The following FREM1 variants were observed in gnomAD, a reference collection of about 807,000 sequenced individuals.
FREM1 encodes FRAS1-related extracellular matrix protein 1.
Under a neutral mutation model 210.1 loss-of-function variants are expected in FREM1, and 220 were observed. That is an observed-to-expected ratio of 1.05 (90% CI 0.94 to 1.17). The LOEUF (loss-of-function observed/expected upper bound fraction) is 1.17. Among genes scored for constraint, FREM1 ranks in the 50% most tolerant of loss-of-function variants. The pLI is 0.00. For missense variants in FREM1, 3,454 were observed against 2,675.5 expected, an observed-to-expected ratio of 1.29 and a Z score of -6.42; for synonymous variants, 1,189 against 980.2, an observed-to-expected ratio of 1.21 and a Z score of -3.98.
chr9:14,857,611 A>G lies in FREM1; in HGVS notation c.770T>C (p.Ile257Thr), dbSNP rs765398054. ...GTCCAGTTGGATGGAGATATAATCAATGTTGGGTGAAGGGGGATCCAGATG... is the reference window on the plus strand; with the variant it reads ...GTCCAGTTGGATGGAGATATAATCAGTGTTGGGTGAAGGGGGATCCAGATG... ...YQHLDPPSPN[I>T]DYISIQLDLT... The change falls in exon 5 of 37, where the codon ATT becomes ACT. Residue 257 changes from isoleucine to threonine, a missense_variant. Physicochemically the swap from Ile to Thr is moderately conservative, Grantham distance 89. Coordinates refer to ENST00000380880, the MANE Select transcript of FREM1 (RefSeq NM_001379081.2). 9.9e-6 allele frequency: 16 copies of G among 1,613,762 alleles called. No homozygotes were observed. In the South Asian group the frequency reaches 1.2e-4, roughly 12 times the overall value.
intron 19 of FREM1, among the ~76,000 whole-genome samples, chr9:14,803,319 C>CCTCCCCTCCA (rs1318572483): frequency 7.4e-6 from 1 of 135,582 alleles, no homozygotes; most frequent in Non-Finnish European, 1.6e-5. Flanking sequence ...TTTCTTTTCC[C>CCTCCCCTCCA]CTCCCCTCCC....
At chr9:14,815,801 C>A (rs1337624835) in intron 15 of FREM1, among the ~76,000 whole-genome samples, 3 of 152,164 alleles carry the variant, frequency 2.0e-5, no homozygotes, top group Non-Finnish European at 4.4e-5. Context: ...GTGCAAGCCA[C>A]TATGCCCAGA....
At chr9:14,793,430 GA>G (rs1431316766) in intron 21 of FREM1, among the ~76,000 whole-genome samples, 2 of 152,122 alleles carry the variant, frequency 1.3e-5, no homozygotes, top group Non-Finnish European at 2.9e-5. Flanking sequence ...TCTTGTTGTA[GA>G]TTCATCTTTT....
chr9:14,774,828 A>G (rs1422267641), intron 25 of FREM1, among the ~76,000 whole-genome samples: 2 of 152,226 alleles, frequency 1.3e-5, no homozygotes, highest in Non-Finnish European at 2.9e-5. Context: ...ATTTGGGATC[A>G]GAAAGACTTG....
intron 13 of FREM1, among the ~76,000 whole-genome samples, chr9:14,821,057 T>A (rs925574422): frequency 2.6e-5 from 4 of 152,134 alleles, no homozygotes; most frequent in Non-Finnish European, 5.9e-5. Flanking sequence ...GACTCATTAG[T>A]CATTAGCTTT....
rs1233570420 is a variant in FREM1, at chr9:14,824,851, C to G, written c.2023G>C (p.Asp675His). The G allele has an allele frequency of 6.2e-7, 1 of 1,613,332 alleles. No individual in the cohort carries two copies. The highest frequency in any genetic ancestry group is 1.3e-5 in the African/African-American group (1 of 74,884). The change falls in exon 11 of 37, where the codon GAC becomes CAC. Residue 675 changes from aspartate (D) to histidine (H), a missense_variant. Transcript: ENST00000380880. ...GTTATTGTGTAGACCAGCTCCCTGTCATATGATTCTGAATCTATAAAATGT... is the reference window on the plus strand; with the variant it reads ...GTTATTGTGTAGACCAGCTCCCTGTGATATGATTCTGAATCTATAAAATGT... ...QLHFIDSESY[D>H]RELVYTITTP...
chr9:14,746,511 A>G, intron 34 of FREM1, 43 bp from the exon 35 acceptor site: 1 of 1,497,868 alleles, frequency 6.7e-7, no homozygotes, highest in Non-Finnish European at 9.3e-7. Flanking sequence ...TGGTCTTTAC[A>G]ATCTGGAGTT....
At chr9:14,843,985 T>C (rs1206048499) in intron 8 of FREM1, among the ~76,000 whole-genome samples, 3 of 152,326 alleles carry the variant, frequency 2.0e-5, no homozygotes, top group Non-Finnish European at 2.9e-5. Context: ...AGGTTACCCA[T>C]TTGTAAAATG....
At chr9:14,788,848 G>A (rs927707831) in intron 23 of FREM1, 71 bp downstream of exon 23, 95 of 1,169,354 alleles carry the variant, frequency 8.1e-5, no homozygotes, top group Non-Finnish European at 1.1e-4. Flanking sequence ...GAGAGAGAAA[G>A]AAACGAATGT....
At chr9:14,804,442 G>A (rs923088540) in intron 19 of FREM1, among the ~76,000 whole-genome samples, 9 of 152,210 alleles carry the variant, frequency 5.9e-5, no homozygotes, top group Non-Finnish European at 8.8e-5. Flanking sequence ...AAAATTAGCC[G>A]GGCGTGGTGG....
chr9:14,834,813 G>A lies in FREM1; in HGVS notation c.1881+6634C>T, dbSNP rs188096637. Among the ~76,000 whole-genome samples the A allele has an allele frequency of 4.1e-3, 627 of 152,208 alleles. 6 individuals carry two copies. The highest frequency in any genetic ancestry group is 0.014 in the African/African-American group (587 of 41,534). On this transcript the variant is annotated intron_variant, in intron 10 of 36. Coordinates refer to ENST00000380880, the MANE Select transcript of FREM1 (RefSeq NM_001379081.2). ...TGTATGGGTTTTCTAAAATTCTAATGCCTAAGTATGTGCTATCAATCATAA... is the reference window on the plus strand; with the variant it reads ...TGTATGGGTTTTCTAAAATTCTAATACCTAAGTATGTGCTATCAATCATAA...
chr9:14,776,446 T>C (rs1018836834), intron 24 of FREM1, among the ~76,000 whole-genome samples: 2 of 152,232 alleles, frequency 1.3e-5, no homozygotes, highest in Non-Finnish European at 2.9e-5. Flanking sequence ...ACCCATGTGA[T>C]GGAACAGGGA....
In FREM1 at chr9:14,737,155, AT is replaced by A; in HGVS notation, c.*240del. On this transcript the variant is annotated 3_prime_UTR_variant, in exon 37 of 37. Coordinates refer to ENST00000380880, the MANE Select transcript of FREM1 (RefSeq NM_001379081.2). ...CTGGAATAAACAAACCTTACACTTTATAATACTGCTGGCATTTATTTTAAAA... is the reference window on the plus strand; with the variant it reads ...CTGGAATAAACAAACCTTACACTTTAAATACTGCTGGCATTTATTTTAAAA... 1 of 402,454 alleles carries A rather than the reference AT, an allele frequency of 2.5e-6. No homozygotes were observed. The highest frequency in any genetic ancestry group is 4.1e-5 in the Admixed American group (1 of 24,448). The allele number at this position is 402,454 out of a possible 1,614,324, so 24.9% of individuals were successfully genotyped here.
intron 28 of FREM1, among the ~76,000 whole-genome samples, chr9:14,757,292 C>T (rs562912902): frequency 3.3e-5 from 5 of 152,330 alleles, no homozygotes; most frequent in African/African-American, 9.6e-5. Context: ...CGGTGGCTCA[C>T]GCCTGTAATC....
chr9:14,855,724 A>C (rs1437162655), intron 5 of FREM1, among the ~76,000 whole-genome samples: 1 of 152,158 alleles, frequency 6.6e-6, no homozygotes, highest in East Asian at 1.9e-4. Flanking sequence ...TGACATGCCA[A>C]ATAAGCTATG....
At chr9:14,759,649 T>C (rs1172353618) in intron 28 of FREM1, 123 bp downstream of exon 28, 13 of 840,870 alleles carry the variant, frequency 1.5e-5, no homozygotes, top group Admixed American at 2.8e-5. Flanking sequence ...CTCAGAATAG[T>C]GGGATCTCCC....
chr9:14,824,528 T>C (rs992130688), intron 11 of FREM1, among the ~76,000 whole-genome samples: 1 of 152,210 alleles, frequency 6.6e-6, no homozygotes, highest in Admixed American at 6.5e-5. Flanking sequence ...AAATAAGCAT[T>C]GTCTTTCAAA....
chr9:14,892,658 A>T (rs1837040832), intron 1 of FREM1, among the ~76,000 whole-genome samples: 1 of 151,966 alleles, frequency 6.6e-6, no homozygotes, highest in South Asian at 2.1e-4. Context: ...GGATCATGGG[A>T]CATGGGGACA....
intron 1 of FREM1, among the ~76,000 whole-genome samples, chr9:14,907,266 G>C (rs1049711931): frequency 1.3e-5 from 2 of 152,146 alleles, no homozygotes; most frequent in African/African-American, 4.8e-5. Flanking sequence ...CCAAGTTTTA[G>C]AGCCCTTTGA....
Sources: allele counts gnomAD v4.1 joint callset (sites outside exome capture counted in the v4.1 genomes callset), GRCh38; gene constraint gnomAD v4.1.1; transcripts MANE v1.5; gene names NCBI Gene and HGNC (gene_info 2026-07-23, HGNC 2026-07-21).